Variants in RPS6KA2 observed in about 807,000 individuals in gnomAD.
RPS6KA2 encodes ribosomal protein S6 kinase A2, also known as ribosomal protein S6 kinase alpha-2.
Under a neutral mutation model 91.8 loss-of-function variants are expected in RPS6KA2, and 42 were observed. That is an observed-to-expected ratio of 0.46 (90% confidence interval 0.36 to 0.59). RPS6KA2 has a LOEUF of 0.59. Among genes scored for constraint, RPS6KA2 ranks in the 20% least tolerant of loss-of-function variants. The pLI is 0.00. For synonymous variants in RPS6KA2, 414 were observed against 393.6 expected (o/e 1.05, Z -0.61); for missense variants, 798 against 978.5 (o/e 0.82, Z 2.46).
At chr6:166,507,729 C>T (rs1324752973) in intron 5 of RPS6KA2, among the ~76,000 whole-genome samples, 1 of 151,286 alleles carries the variant, frequency 6.6e-6, no homozygotes, top group African/African-American at 2.4e-5. Context: ...ACACAGCACA[C>T]ATCACATACA....
At position 166,493,195 on chromosome 6, in the gene RPS6KA2, C is replaced by CA. The variant is rs1241448826; in HGVS notation, c.748-2455dup. Among the ~76,000 whole-genome samples the CA allele has an allele frequency of 1.3e-5, 2 of 152,168 alleles. No individual in the cohort carries two copies. The highest frequency in any genetic ancestry group is 4.8e-5 in the African/African-American group (2 of 41,444). On this transcript the variant is annotated intron_variant, in intron 8 of 20. Coordinates refer to ENST00000265678, the MANE Select transcript of RPS6KA2 (RefSeq NM_021135.6). The surrounding 1 kb of genome is among the most constrained non-coding windows in gnomAD (Gnocchi z 4.7). ...CAGCACAGCACCCATGAATATTCAACAACTGCTTCTTGGTGATGAAGGTGC... is the reference window on the plus strand; with the variant it reads ...CAGCACAGCACCCATGAATATTCAACAAACTGCTTCTTGGTGATGAAGGTGC...
intron 2 of RPS6KA2, among the ~76,000 whole-genome samples, chr6:166,799,950 G>A (rs184539361): frequency 5.9e-5 from 9 of 152,230 alleles, no homozygotes; most frequent in Non-Finnish European, 8.8e-5. Context: ...TCATGGCTGC[G>A]ATCTCTCAGG....
rs1306549096 is a variant in RPS6KA2, at chr6:166,612,375, A to G, written c.99+14546T>C. 2.6e-5 allele frequency among the ~76,000 whole-genome samples: 4 copies of G among 152,062 alleles called. No individual in the cohort carries two copies. The highest frequency in any genetic ancestry group is 4.4e-5 in the Non-Finnish European group (3 of 67,992). On this transcript the variant is annotated intron_variant, in intron 1 of 20. Coordinates refer to ENST00000265678, the MANE Select transcript of RPS6KA2 (RefSeq NM_021135.6). The surrounding 1 kb of genome is among the most constrained non-coding windows in gnomAD (Gnocchi z 4.3). ...CTCCTTGCAGCTGGTGCATGAGTGAAACTCTGAATTTGTAGTTTTCCTTAG... is the reference window on the plus strand; with the variant it reads ...CTCCTTGCAGCTGGTGCATGAGTGAGACTCTGAATTTGTAGTTTTCCTTAG...
chr6:166,839,709 A>G (rs185537477), intron 2 of RPS6KA2, among the ~76,000 whole-genome samples: 566 of 25,352 alleles, frequency 0.022, 1 homozygote, highest in East Asian at 0.11. Flanking sequence ...AGAGGAGAGG[A>G]GAGGAGAGGC....
rs1387346549 is a variant in RPS6KA2 at position 166,418,448 on chromosome 6, C to T, written c.1821-106G>A. On this transcript the variant is annotated intron_variant, in intron 18 of 20. Coordinates refer to ENST00000265678, the MANE Select transcript of RPS6KA2 (RefSeq NM_021135.6). The surrounding 1 kb of genome is among the most constrained non-coding windows in gnomAD (Gnocchi z 4.9). ...GGCTGTTCAAAGGAATAGCACTTTG[C>T]TTCTCCCTCCTCTGCTCTGAAGCCA... 2 of 813,210 alleles carry T rather than the reference C, an allele frequency of 2.5e-6. No individual in the cohort carries two copies. Among genetic ancestry groups the T allele is most frequent in the Non-Finnish European group, 2.1e-6 (1 of 473,278 alleles). The allele number at this position is 813,210 out of a possible 1,614,324, so 50.4% of individuals were successfully genotyped here. A position where few individuals can be genotyped will look rare whatever the true frequency, so the allele number is the denominator to read the frequency against.
chr6:166,668,446 A>G (rs1788381175), intron 2 of RPS6KA2, among the ~76,000 whole-genome samples: 1 of 152,086 alleles, frequency 6.6e-6, no homozygotes, highest in Non-Finnish European at 1.5e-5. Context: ...CATCTGAACG[A>G]CTCAGGGCCA....
intron 1 of RPS6KA2, among the ~76,000 whole-genome samples, chr6:166,562,980 G>A (rs377432235): frequency 6.6e-6 from 1 of 152,336 alleles, no homozygotes; most frequent in East Asian, 1.9e-4. Context: ...GACTGAGAAG[G>A]CGGCCGAGCC....
intron 2 of RPS6KA2, among the ~76,000 whole-genome samples, chr6:166,854,141 C>T (rs1780824215): frequency 6.6e-6 from 1 of 152,162 alleles, no homozygotes; most frequent in Non-Finnish European, 1.5e-5. Context: ...ATGACACAAA[C>T]TCCCCCACAT....
At chr6:166,707,901 G>A (rs12206980) in intron 2 of RPS6KA2, among the ~76,000 whole-genome samples, 85,699 of 151,830 alleles carry the variant, frequency 0.56, 27,312 homozygotes, top group South Asian at 0.82. Flanking sequence ...GCACCACCGT[G>A]CCCAGATAAT....
At position 166,493,046 on chromosome 6, in the gene RPS6KA2, T is replaced by C. The variant is rs926677109; in HGVS notation, c.748-2305A>G. ...TGCGCCTGGTCTGGTGATTTCTTTT[T>C]AGCTTTTGAAGATGATTCCCTTGTG... On this transcript the variant is annotated intron_variant, in intron 8 of 20. Transcript: ENST00000265678. The surrounding 1 kb of genome is among the most constrained non-coding windows in gnomAD (Gnocchi z 4.7). Among the ~76,000 whole-genome samples, 10 of 152,116 alleles carry C rather than the reference T, an allele frequency of 6.6e-5. No homozygotes were observed. The highest frequency in any genetic ancestry group is 2.4e-4 in the African/African-American group (10 of 41,426).
intron 2 of RPS6KA2, among the ~76,000 whole-genome samples, chr6:166,823,858 T>C (rs1044154739): frequency 3.3e-5 from 5 of 152,204 alleles, no homozygotes; most frequent in Non-Finnish European, 5.9e-5. Context: ...GGTCTTACGA[T>C]ACCACATGTT....
intron 2 of RPS6KA2, among the ~76,000 whole-genome samples, chr6:166,644,924 G>A (rs1381727536): frequency 2.0e-5 from 3 of 152,174 alleles, no homozygotes; most frequent in African/African-American, 7.2e-5. Flanking sequence ...AGAGATTGGA[G>A]CGGGGCATCT....
Position 166,430,437 on chromosome 6 carries a change from C to A in RPS6KA2, c.1581+16G>T. 1 of 1,599,204 alleles carries A rather than the reference C, an allele frequency of 6.3e-7. No individual in the cohort carries two copies. The highest frequency in any genetic ancestry group is 1.1e-5 in the South Asian group (1 of 89,758). On this transcript the variant is annotated intron_variant, in intron 16 of 20. Transcript: ENST00000265678. ...GCTCCCTCCTCCCCGAAGGCTGCCC[C>A]AGGCATGGCTCCTACCCCCTGGGAA...
At chr6:166,727,902 A>AG (rs11390784) in intron 2 of RPS6KA2, among the ~76,000 whole-genome samples, 57,109 of 152,026 alleles carry the variant, frequency 0.38, 14,338 homozygotes, top group African/African-American at 0.73. Flanking sequence ...ACCCTCTGAT[A>AG]GGGGTTTGCC....
chr6:166,508,363 C>T lies in RPS6KA2; in HGVS notation c.380-81G>A, dbSNP rs530131739. On this transcript the variant is annotated intron_variant, in intron 4 of 20. Coordinates refer to ENST00000265678, the MANE Select transcript of RPS6KA2 (RefSeq NM_021135.6). This position sits in a 1 kb window ranked among gnomAD's most constrained non-coding sequence, Gnocchi z 4.3. ...TCGCTCTCTGGCTTCTCCCTGCTCA[C>T]GGTGCTGCTTACTCCGGGAGGCTGA... is the stretch of plus-strand genomic sequence containing the variant. 4.0e-5 allele frequency: 37 copies of T among 925,450 alleles called. No individual in the cohort carries two copies. The highest frequency in any genetic ancestry group is 1.5e-4 in the East Asian group (6 of 40,946). 57.3% of individuals were successfully genotyped at this position (925,450 alleles called of 1,614,324 possible). A position where few individuals can be genotyped will look rare whatever the true frequency, so the allele number is the denominator to read the frequency against.
rs560798345 is a variant in RPS6KA2 at position 166,757,773 on chromosome 6, C to T, written c.123+100427G>A. ...AGATTCCCAAGCCGGGAGTCCTGCCCCTCACAGGCACCAGCTGTGAGTTGA... is the reference window on the plus strand; with the variant it reads ...AGATTCCCAAGCCGGGAGTCCTGCCTCTCACAGGCACCAGCTGTGAGTTGA... On this transcript the variant is annotated intron_variant, in intron 2 of 21. Coordinates refer to the RPS6KA2 transcript ENST00000503859. 26 of 329,374 alleles carry T rather than the reference C, an allele frequency of 7.9e-5. No individual in the cohort carries two copies. In the East Asian group the frequency reaches 2.5e-3, roughly 31 times the overall value. 20.4% of individuals were successfully genotyped at this position (329,374 alleles called of 1,614,324 possible).
chr6:166,792,272 T>G (rs959055690), intron 2 of RPS6KA2, among the ~76,000 whole-genome samples: 2 of 152,202 alleles, frequency 1.3e-5, no homozygotes, highest in African/African-American at 2.4e-5. Flanking sequence ...GATAAATTCC[T>G]GGACACATAC....
At chr6:166,560,792 T>C (rs929803469) in intron 1 of RPS6KA2, among the ~76,000 whole-genome samples, 1 of 152,180 alleles carries the variant, frequency 6.6e-6, no homozygotes, top group African/African-American at 2.4e-5. Flanking sequence ...TGCACCCCTC[T>C]TACAACACTC....
intron 12 of RPS6KA2, 99 bp from the exon 13 acceptor site, chr6:166,451,332 C>CGTGT (rs10663984): frequency 0.12 from 107,686 of 918,304 alleles, 4,681 homozygotes; most frequent in African/African-American, 0.29. Context: ...TGTGCAAGTC[C>CGTGT]GTGTGTGTGT....
Sources: gnomAD v4.1 joint callset for allele counts (sites outside exome capture counted in the v4.1 genomes callset) on GRCh38, gnomAD v4.1.1 for gene constraint, Gnocchi (gnomAD v3.1) non-coding constraint, MANE v1.5 for transcripts, NCBI Gene and HGNC (gene_info 2026-07-23, HGNC 2026-07-21) for gene names.